Variants in TOGARAM2 observed in about 807,000 individuals in gnomAD.
TOGARAM2 encodes the protein TOG array regulator of axonemal microtubules protein 2.
A neutral mutation model predicts 93.3 loss-of-function variants in TOGARAM2; 85 were observed. The observed-to-expected ratio is 0.91, with a 90% CI of 0.76 to 1.09. The LOEUF (loss-of-function observed/expected upper bound fraction) is 1.09, where lower values mean the gene tolerates loss of function less well. TOGARAM2 is among the 50% of genes least tolerant of loss of function. The pLI is 0.00. For synonymous variants in TOGARAM2, 593 were observed against 552.8 expected (o/e 1.07, Z -1.02); for missense variants, 1,277 against 1,334.5 (o/e 0.96, Z 0.67).
chr2:29,026,218 T>G (rs1380790455), intron 13 of TOGARAM2, among the ~76,000 whole-genome samples: 2 of 152,236 alleles, frequency 1.3e-5, no homozygotes, highest in Admixed American at 1.3e-4. Context: ...AGTACTGTTC[T>G]CTGTACATTC....
chr2:28,994,656 C>A, intron 1 of TOGARAM2, 69 bp from the exon 2 acceptor site: 1 of 568,240 alleles, frequency 1.8e-6, no homozygotes. Flanking sequence ...CCCTGAAGGG[C>A]TTTTTGTGAA....
intron 19 of TOGARAM2, 54 bp downstream of exon 19, chr2:29,045,464 C>G (rs759542242): frequency 1.4e-6 from 2 of 1,384,832 alleles, no homozygotes; most frequent in South Asian, 1.2e-5. Context: ...TCTGTTCTCT[C>G]CTGGTCTGTG....
At chr2:28,972,973 C>G (rs1240935266) in intron 1 of TOGARAM2, among the ~76,000 whole-genome samples, 1 of 152,216 alleles carries the variant, frequency 6.6e-6, no homozygotes. Flanking sequence ...AGCCACGTGG[C>G]CAAGCCCAAT....
intron 1 of TOGARAM2, among the ~76,000 whole-genome samples, chr2:28,972,011 G>A (rs188588378): frequency 1.4e-4 from 21 of 152,264 alleles, no homozygotes; most frequent in Admixed American, 1.2e-3. Flanking sequence ...TTATTGGAAC[G>A]TCGTAATACA....
At chr2:29,046,112 A>G (rs1214504868) in intron 19 of TOGARAM2, 1 of 154,072 alleles carries the variant, frequency 6.5e-6, no homozygotes, top group Non-Finnish European at 1.4e-5. Context: ...CAGTGCTGGG[A>G]CTGTATTATG....
At chr2:29,050,110 G>A (rs1666979866) in intron 19 of TOGARAM2, 1 of 152,194 alleles carries the variant, frequency 6.6e-6, no homozygotes, top group African/African-American at 2.4e-5. Flanking sequence ...CCAGCACTTT[G>A]GGAGGTCAAG....
intron 10 of TOGARAM2, among the ~76,000 whole-genome samples, chr2:29,021,549 G>A (rs1558442391): frequency 6.6e-6 from 1 of 152,198 alleles, no homozygotes; most frequent in Non-Finnish European, 1.5e-5. Context: ...GGGAAGGAGA[G>A]CCTAGAAAAC....
Position 28,974,691 on chromosome 2 carries a change from A to AAAGCCTCTGCCTCCCTG in TOGARAM2, c.-147+17995_-147+18011dup, listed in dbSNP as rs1367527462. Among the ~76,000 whole-genome samples, 3 of 150,248 alleles carry AAAGCCTCTGCCTCCCTG rather than the reference A, an allele frequency of 2.0e-5. No homozygotes were observed. The East Asian group carries it at 6.0e-4, about 30-fold the overall frequency. ...TGCAGTGGCTTGATCTTGGCTCACT[A>AAAGCCTCTGCCTCCCTG]AAGCCTCTGCCTCCCTGGTTCAAGT... is the stretch of plus-strand genomic sequence containing the variant. On this transcript the variant is annotated intron_variant, in intron 1 of 6. Transcript: ENST00000401723.
intron 1 of TOGARAM2, among the ~76,000 whole-genome samples, chr2:28,962,639 T>C (rs1671816904): frequency 6.6e-6 from 1 of 152,164 alleles, no homozygotes; most frequent in Non-Finnish European, 1.5e-5. Flanking sequence ...ATCTGCATTG[T>C]TTCCAGTTTA....
intron 6 of TOGARAM2, among the ~76,000 whole-genome samples, chr2:29,004,748 G>GTGTA (rs201305599): frequency 0.16 from 10,170 of 64,032 alleles, 847 homozygotes; most frequent in East Asian, 0.28. Flanking sequence ...GCATGTGTGT[G>GTGTA]TGTGTCTGAG....
chr2:29,040,047 T>G (rs1666339559), intron 18 of TOGARAM2, among the ~76,000 whole-genome samples: 2 of 152,206 alleles, frequency 1.3e-5, no homozygotes, highest in African/African-American at 2.4e-5. Flanking sequence ...CTCTCTGACT[T>G]TAAATTTATT....
chr2:28,994,961 A>T, intron 2 of TOGARAM2, 99 bp downstream of exon 2: 1 of 1,426,076 alleles, frequency 7.0e-7, no homozygotes, highest in Non-Finnish European at 9.7e-7. Flanking sequence ...TGTGGGGATA[A>T]AGGGCTGCTG....
intron 19 of TOGARAM2, chr2:29,049,424 T>C (rs1201418071): frequency 6.6e-6 from 1 of 152,270 alleles, no homozygotes; most frequent in Non-Finnish European, 1.5e-5. Context: ...AAAAGGTTGG[T>C]ATAAACACGG....
chr2:28,980,708 G>T (rs1305276565), upstream of TOGARAM2, among the ~76,000 whole-genome samples: 1 of 152,190 alleles, frequency 6.6e-6, no homozygotes, highest in African/African-American at 2.4e-5. Context: ...ATCTGGTTGG[G>T]ACGAAGGCCA....
At chr2:29,029,743 A>G (rs1023646020) in intron 14 of TOGARAM2, among the ~76,000 whole-genome samples, 4 of 130,660 alleles carry the variant, frequency 3.1e-5, no homozygotes, top group African/African-American at 1.1e-4. Context: ...GCGACAGAAC[A>G]AGGCTCTGTC....
In TOGARAM2 at chr2:29,014,418, A is replaced by T; in HGVS notation, c.901A>T (p.Ile301Phe). The T allele has an allele frequency of 6.2e-7, 1 of 1,610,228 alleles. No homozygotes were observed. Among genetic ancestry groups the T allele is most frequent in the Non-Finnish European group, 8.5e-7 (1 of 1,178,674 alleles). Residue 301 changes from isoleucine to phenylalanine, a missense_variant, in exon 8 of 20, where the codon ATC (isoleucine) becomes TTC (phenylalanine). By Grantham distance (21) the Ile-to-Phe change is conservative. Transcript: ENST00000379558. ...SLEPKPLASP[I>F]RDRPAAAKKP... is the part of the protein sequence containing the mutation. Reference sequence around the variant, plus strand: ...AGAGCCAAAACCTTTGGCCTCACCCATCAGAGACAGGCCTGCCGCTGCCAA... The same window carrying T: ...AGAGCCAAAACCTTTGGCCTCACCCTTCAGAGACAGGCCTGCCGCTGCCAA...
chr2:28,975,545 A>C (rs1672015647), intron 1 of TOGARAM2, among the ~76,000 whole-genome samples: 1 of 152,150 alleles, frequency 6.6e-6, no homozygotes, highest in African/African-American at 2.4e-5. Context: ...TCATAATTGC[A>C]AATTGAAGCA....
At chr2:28,975,435 G>A (rs1359368005) in intron 1 of TOGARAM2, among the ~76,000 whole-genome samples, 8 of 151,838 alleles carry the variant, frequency 5.3e-5, no homozygotes, top group Admixed American at 4.6e-4. Context: ...TGATCTGCCC[G>A]CCTCGGCCTC....
At position 28,998,224 on chromosome 2, in the gene TOGARAM2, G is replaced by A. The variant is rs776643059; in HGVS notation, c.110G>A (p.Ser37Asn). Residue 37 changes from serine (S) to asparagine (N), a missense_variant, in exon 3 of 20, where the codon AGC (serine) becomes AAC (asparagine). Coordinates refer to ENST00000379558, the MANE Select transcript of TOGARAM2 (RefSeq NM_199280.4). The stretch of plus-strand genomic sequence containing the variant: ...GGGCCCCGGGTGCTCCCGCCTGGAA[G>A]CATCAACTCCAGTCTGCCTCATGGA... ...SAGPRVLPPG[S>N]INSSLPHGEG... is the part of the protein sequence containing the mutation. 40 of 1,612,338 alleles carry A rather than the reference G, an allele frequency of 2.5e-5. No individual in the cohort carries two copies. The highest frequency in any genetic ancestry group is 3.4e-5 in the Non-Finnish European group (40 of 1,179,300).
Sources: allele counts gnomAD v4.1 joint callset (sites outside exome capture counted in the v4.1 genomes callset), GRCh38; gene constraint gnomAD v4.1.1; transcripts MANE v1.5; gene names NCBI Gene and HGNC (gene_info 2026-07-23, HGNC 2026-07-21).